Variants in MARCHF1 observed in about 807,000 individuals in gnomAD.
MARCHF1 encodes the protein E3 ubiquitin-protein ligase MARCHF1.
MARCHF1 carries 40 observed loss-of-function variants against 54.2 expected under a neutral mutation model. The observed-to-expected ratio is 0.74, with a 90% CI of 0.57 to 0.96. MARCHF1 has a LOEUF of 0.96. MARCHF1 is among the 40% of genes least tolerant of loss of function. MARCHF1 has a pLI of 0.00. For missense variants in MARCHF1, 586 were observed against 656.5 expected, an observed-to-expected ratio of 0.89 and a Z score of 1.17; for synonymous variants, 236 against 236.3, an observed-to-expected ratio of 1.00 and a Z score of 0.01.
intron 9 of MARCHF1, among the ~76,000 whole-genome samples, chr4:163,544,619 T>A (rs1738833389): frequency 6.6e-6 from 1 of 152,230 alleles, no homozygotes; most frequent in South Asian, 2.1e-4. Flanking sequence ...CCTCCCCTTC[T>A]GTGTTTATGA....
intron 2 of MARCHF1, among the ~76,000 whole-genome samples, chr4:164,088,452 C>T (rs903746169): frequency 6.6e-6 from 1 of 152,002 alleles, no homozygotes; most frequent in Non-Finnish European, 1.5e-5. Context: ...TCTATAAATC[C>T]AATGGCCAGG....
In MARCHF1 at chr4:164,241,750, G is replaced by C. The variant is rs191612480; in HGVS notation, c.-322-130088C>G. Reference sequence around the variant, plus strand: ...CTCCCTAGGGAGTGCCAGACAGTGGGCACAGGTCAGTGGGTGCGCGCACAG... The same window carrying C: ...CTCCCTAGGGAGTGCCAGACAGTGGCCACAGGTCAGTGGGTGCGCGCACAG... On this transcript the variant is annotated intron_variant, in intron 1 of 9. Transcript: ENST00000514618. Among the ~76,000 whole-genome samples, 942 of 152,292 alleles carry C rather than the reference G, an allele frequency of 6.2e-3. 5 individuals carry two copies. Among genetic ancestry groups the C allele is most frequent in the Admixed American group, 0.013 (194 of 15,294 alleles).
chr4:164,148,432 T>G lies in MARCHF1; in HGVS notation c.-322-36770A>C, dbSNP rs138161946. ...GCCAGCCATGTTCTCTTAATTTTTT[T>G]TTCCATGTTCTCTTAATTAATCTTT... On this transcript the variant is annotated intron_variant, in intron 1 of 9. Transcript: ENST00000514618. 5.9e-3 allele frequency among the ~76,000 whole-genome samples: 898 copies of G among 152,286 alleles called. 9 individuals carry two copies. Among genetic ancestry groups the G allele is most frequent in the African/African-American group, 0.021 (858 of 41,562 alleles).
chr4:164,052,249 A>G (rs1424354859), intron 2 of MARCHF1, among the ~76,000 whole-genome samples: 1 of 80,958 alleles, frequency 1.2e-5, no homozygotes, highest in Non-Finnish European at 3.0e-5. Flanking sequence ...GTGGCTGGGC[A>G]TAGTGGCTCA....
At chr4:164,094,500 C>T (rs1420073144) in intron 2 of MARCHF1, among the ~76,000 whole-genome samples, 1 of 152,084 alleles carries the variant, frequency 6.6e-6, no homozygotes, top group African/African-American at 2.4e-5. Context: ...ATGGACCTGC[C>T]TCCATTGCCA....
intron 4 of MARCHF1, among the ~76,000 whole-genome samples, chr4:163,818,892 T>C (rs1382267083): frequency 6.6e-6 from 1 of 152,118 alleles, no homozygotes; most frequent in Non-Finnish European, 1.5e-5. Flanking sequence ...TCATTACATT[T>C]ACCACCTTCT....
intron 1 of MARCHF1, among the ~76,000 whole-genome samples, chr4:164,345,628 T>C (rs1326633244): frequency 6.7e-6 from 1 of 150,290 alleles, no homozygotes; most frequent in Non-Finnish European, 1.5e-5. Flanking sequence ...TTTAAAAGCA[T>C]AAAATTTAAA....
chr4:164,013,204 C>A (rs1753460321), intron 2 of MARCHF1, among the ~76,000 whole-genome samples: 1 of 151,976 alleles, frequency 6.6e-6, no homozygotes, highest in South Asian at 2.1e-4. Context: ...TGATTGAAAT[C>A]ATTAAAAAAC....
At chr4:164,089,029 C>T (rs1252492053) in intron 2 of MARCHF1, among the ~76,000 whole-genome samples, 2 of 152,152 alleles carry the variant, frequency 1.3e-5, no homozygotes, top group Non-Finnish European at 2.9e-5. Context: ...TGATCCTTCA[C>T]ATGCTCCTAA....
intron 4 of MARCHF1, among the ~76,000 whole-genome samples, chr4:163,813,337 A>AC (rs1191889036): frequency 7.9e-5 from 12 of 152,222 alleles, no homozygotes; most frequent in Admixed American, 7.9e-4. Flanking sequence ...TATGTTAGTC[A>AC]ATGTCTTGCC....
chr4:163,751,098 TAAAG>T, intron 4 of MARCHF1, among the ~76,000 whole-genome samples: 1 of 151,976 alleles, frequency 6.6e-6, no homozygotes, highest in South Asian at 2.1e-4. Context: ...CACTTCAAGA[TAAAG>T]AACACGACAG....
At chr4:164,373,320 A>G (rs1731089582) in intron 1 of MARCHF1, among the ~76,000 whole-genome samples, 1 of 147,726 alleles carries the variant, frequency 6.8e-6, no homozygotes, top group Non-Finnish European at 1.5e-5. Flanking sequence ...GAGAAACTGA[A>G]TCTTCCCATT....
At chr4:164,098,960 T>C (rs1265270762) in intron 2 of MARCHF1, among the ~76,000 whole-genome samples, 2 of 152,204 alleles carry the variant, frequency 1.3e-5, no homozygotes, top group African/African-American at 2.4e-5. Flanking sequence ...TTTGTTACCA[T>C]TGCAAAGCGG....
intron 1 of MARCHF1, among the ~76,000 whole-genome samples, chr4:164,213,671 A>G (rs1731845273): frequency 6.6e-6 from 1 of 152,154 alleles, no homozygotes; most frequent in Non-Finnish European, 1.5e-5. Flanking sequence ...CGAATTTAAC[A>G]AATTTAAAAT....
chr4:163,760,296 T>G (rs1253530815), intron 4 of MARCHF1, among the ~76,000 whole-genome samples: 1 of 152,244 alleles, frequency 6.6e-6, no homozygotes, highest in Non-Finnish European at 1.5e-5. Flanking sequence ...CCATCCAGAT[T>G]ATCCATAACA....
At chr4:164,168,040 T>G (rs1230772126) in intron 1 of MARCHF1, among the ~76,000 whole-genome samples, 1 of 151,952 alleles carries the variant, frequency 6.6e-6, no homozygotes, top group African/African-American at 2.4e-5. Context: ...GGTTAATATT[T>G]AAAATTTATA....
chr4:164,315,654 T>A (rs1579714400), intron 1 of MARCHF1, among the ~76,000 whole-genome samples: 1 of 152,180 alleles, frequency 6.6e-6, no homozygotes, highest in African/African-American at 2.4e-5. Context: ...ATGACCTCTA[T>A]CAGAAAGCTG....
intron 5 of MARCHF1, among the ~76,000 whole-genome samples, chr4:163,642,888 G>T (rs890185474): frequency 6.6e-6 from 1 of 151,912 alleles, no homozygotes; most frequent in East Asian, 1.9e-4. Flanking sequence ...TAAGAAAATA[G>T]AAAATAAAAT....
intron 1 of MARCHF1, among the ~76,000 whole-genome samples, chr4:164,190,715 T>C (rs751987215): frequency 4.6e-5 from 7 of 152,268 alleles, no homozygotes; most frequent in Middle Eastern, 3.4e-3. Context: ...AAAGGAAAAA[T>C]TTTTAGAGAG....
Sources: allele counts gnomAD v4.1 joint callset (sites outside exome capture counted in the v4.1 genomes callset), GRCh38; gene constraint gnomAD v4.1.1; transcripts MANE v1.5; gene names NCBI Gene and HGNC (gene_info 2026-07-23, HGNC 2026-07-21).